CNTNAP2: variants seen among roughly 807,000 people sequenced by gnomAD.
CNTNAP2 encodes contactin associated protein 2, also known as contactin-associated protein-like 2.
Under a neutral mutation model 155.2 loss-of-function variants are expected in CNTNAP2, and 98 were observed. The ratio of observed to expected loss-of-function variants is 0.63; its 90% confidence interval spans 0.54 to 0.75. The LOEUF is 0.75. Among genes scored for constraint, CNTNAP2 ranks in the 30% least tolerant of loss-of-function variants. The probability of loss-of-function intolerance (pLI) is 0.00; values close to 1 mark genes in which losing one functional copy is unlikely to be tolerated. For missense variants in CNTNAP2, 1,727 were observed against 1,688.1 expected (o/e 1.02, Z -0.40); for synonymous variants, 651 against 631.2 (o/e 1.03, Z -0.47).
chr7:148,060,273 AT>A (rs1418336230), intron 15 of CNTNAP2, among the ~76,000 whole-genome samples: 9 of 152,070 alleles, frequency 5.9e-5, no homozygotes, highest in East Asian at 3.9e-4. Flanking sequence ...AATGGTTTAT[AT>A]TTTTTTCTCA....
chr7:146,727,824 T>C (rs997258848), intron 1 of CNTNAP2, among the ~76,000 whole-genome samples: 1 of 152,184 alleles, frequency 6.6e-6, no homozygotes, highest in Non-Finnish European at 1.5e-5. Context: ...CTTAAGAAAA[T>C]GCTCATTGTA....
At chr7:148,006,027 A>T (rs964938379) in intron 15 of CNTNAP2, among the ~76,000 whole-genome samples, 4 of 152,140 alleles carry the variant, frequency 2.6e-5, no homozygotes, top group African/African-American at 9.7e-5. Context: ...ACTTTATAAA[A>T]TCCTACACAT....
chr7:147,496,034 C>G (rs1488334226), intron 11 of CNTNAP2, among the ~76,000 whole-genome samples: 2 of 152,134 alleles, frequency 1.3e-5, no homozygotes, highest in Non-Finnish European at 2.9e-5. Context: ...AATCTAATGC[C>G]TGATGATCTG....
chr7:146,509,521 A>G (rs1488066811), intron 1 of CNTNAP2, among the ~76,000 whole-genome samples: 1 of 152,094 alleles, frequency 6.6e-6, no homozygotes, highest in Non-Finnish European at 1.5e-5. Context: ...CCATCATGGT[A>G]GGAGGTCTCT....
chr7:146,545,221 G>T (rs1290696212), intron 1 of CNTNAP2, among the ~76,000 whole-genome samples: 1 of 151,862 alleles, frequency 6.6e-6, no homozygotes, highest in Admixed American at 6.6e-5. Flanking sequence ...TTTCCTGAGG[G>T]AGTGGGAGTT....
chr7:147,393,185 G>C (rs1163815729), intron 9 of CNTNAP2, among the ~76,000 whole-genome samples: 2 of 151,940 alleles, frequency 1.3e-5, no homozygotes, highest in Admixed American at 6.6e-5. Context: ...ATTATGGAGA[G>C]AAAAAAATTA....
chr7:146,997,433 A>C (rs1182731239), intron 3 of CNTNAP2, among the ~76,000 whole-genome samples: 4 of 152,138 alleles, frequency 2.6e-5, no homozygotes, highest in Non-Finnish European at 5.9e-5. Flanking sequence ...ACGTATCACA[A>C]TGAATGATGT....
At chr7:146,312,815 C>T (rs1025761575) in intron 1 of CNTNAP2, among the ~76,000 whole-genome samples, 3 of 152,106 alleles carry the variant, frequency 2.0e-5, no homozygotes, top group African/African-American at 7.2e-5. Context: ...CCGTATTTGT[C>T]TTTCTGTGTT....
chr7:147,120,836 C>A (rs956209486), intron 5 of CNTNAP2, 143 bp from the exon 6 acceptor site: 3 of 752,804 alleles, frequency 4.0e-6, no homozygotes, highest in African/African-American at 3.4e-5. Context: ...AGTGTCGTTA[C>A]TTACTGGTAT....
chr7:147,853,658 C>T (rs930513051), intron 13 of CNTNAP2, among the ~76,000 whole-genome samples: 1 of 152,170 alleles, frequency 6.6e-6, no homozygotes, highest in Non-Finnish European at 1.5e-5. Flanking sequence ...TGAACTCTAA[C>T]ACAATTATTT....
intron 1 of CNTNAP2, among the ~76,000 whole-genome samples, chr7:146,275,946 T>C (rs1260987873): frequency 2.0e-5 from 3 of 152,218 alleles, no homozygotes; most frequent in African/African-American, 4.8e-5. Context: ...GGTTGTGTGC[T>C]ACTGGCATCT....
At chr7:147,708,449 G>T (rs1309042848) in intron 13 of CNTNAP2, among the ~76,000 whole-genome samples, 2 of 152,176 alleles carry the variant, frequency 1.3e-5, no homozygotes, top group African/African-American at 4.8e-5. Flanking sequence ...TCCCAGGCAG[G>T]ATGGTAGGGG....
intron 13 of CNTNAP2, among the ~76,000 whole-genome samples, chr7:147,756,488 C>G (rs2116511698): frequency 6.6e-6 from 1 of 152,214 alleles, no homozygotes; most frequent in South Asian, 2.1e-4. Flanking sequence ...AGCTGGCACT[C>G]TTGCATAATA....
At chr7:147,559,364 A>G (rs762522634) in intron 11 of CNTNAP2, among the ~76,000 whole-genome samples, 8 of 152,236 alleles carry the variant, frequency 5.3e-5, no homozygotes, top group Non-Finnish European at 7.3e-5. Context: ...GGATAACCCA[A>G]GTTCTTGTAC....
At chr7:146,933,532 G>A (rs1796832128) in intron 3 of CNTNAP2, among the ~76,000 whole-genome samples, 1 of 150,582 alleles carries the variant, frequency 6.6e-6, no homozygotes, top group Non-Finnish European at 1.5e-5. Context: ...GCATGGGCAA[G>A]GACTTCATGT....
At chr7:146,271,403 A>G (rs2129083380) in intron 1 of CNTNAP2, among the ~76,000 whole-genome samples, 1 of 152,112 alleles carries the variant, frequency 6.6e-6, no homozygotes, top group East Asian at 1.9e-4. Context: ...TAATTGGAAG[A>G]ATTTTACAAA....
intron 1 of CNTNAP2, among the ~76,000 whole-genome samples, chr7:146,537,053 A>G (rs1306794430): frequency 6.6e-6 from 1 of 152,152 alleles, no homozygotes; most frequent in Non-Finnish European, 1.5e-5. Context: ...CTAATGTTTC[A>G]TAACCTAAGG....
At chr7:146,755,661 T>C (rs1039908917) in intron 1 of CNTNAP2, among the ~76,000 whole-genome samples, 2 of 151,986 alleles carry the variant, frequency 1.3e-5, no homozygotes, top group Non-Finnish European at 2.9e-5. Context: ...GATGAACTAA[T>C]AGCAAACAAA....
intron 4 of CNTNAP2, among the ~76,000 whole-genome samples, chr7:147,047,194 T>C (rs1418321940): frequency 7.0e-6 from 1 of 142,528 alleles, no homozygotes; most frequent in African/African-American, 2.6e-5. Flanking sequence ...CTGCATGCTC[T>C]GCCTCCCGGG....
Sources: gnomAD v4.1 joint callset for allele counts (sites outside exome capture counted in the v4.1 genomes callset) on GRCh38, gnomAD v4.1.1 for gene constraint, MANE v1.5 for transcripts, NCBI Gene and HGNC (gene_info 2026-07-23, HGNC 2026-07-21) for gene names.